The following ADRA1B variants were observed in gnomAD, a reference collection of about 807,000 sequenced individuals.
The protein encoded by ADRA1B is adrenoceptor alpha 1B.
In ADRA1B, 17 loss-of-function variants were observed where a neutral mutation model predicts 17.9. That is an observed-to-expected ratio of 0.95 (90% CI 0.65 to 1.42). The LOEUF (loss-of-function observed/expected upper bound fraction) is 1.42. ADRA1B is among the 40% of genes most tolerant of loss of function. The probability of loss-of-function intolerance (pLI) is 0.00; values close to 1 mark genes in which losing one functional copy is unlikely to be tolerated. For synonymous variants in ADRA1B, 366 were observed against 327.6 expected (o/e 1.12, Z -1.27); for missense variants, 681 against 722.1 (o/e 0.94, Z 0.65).
rs200205839 is a variant in ADRA1B, at chr5:159,917,404, C to T, written c.499C>T (p.Leu167Phe). ...CCGGAGGAAGGCCATCTTGGCGCTGCTCAGTGTCTGGGTCTTGTCCACCGT... is the reference window on the plus strand; with the variant it reads ...CCGGAGGAAGGCCATCTTGGCGCTGTTCAGTGTCTGGGTCTTGTCCACCGT... The part of the protein sequence containing the change: ...VTRRKAILAL[L>F]SVWVLSTVIS... The change falls in exon 1 of 2, where the codon CTC (leucine) becomes TTC (phenylalanine). Residue 167 changes from leucine (L) to phenylalanine (F), a missense_variant. Leu to Phe is a conservative substitution (Grantham distance 22, BLOSUM62 0). Transcript: ENST00000306675. 18 of 1,614,172 alleles carry T rather than the reference C, an allele frequency of 1.1e-5. No individual in the cohort carries two copies. In the East Asian group the frequency reaches 4.0e-4, roughly 36 times the overall value.
At chr5:159,881,023 A>T (rs936001018) in intron 1 of ADRA1B, among the ~76,000 whole-genome samples, 1 of 152,078 alleles carries the variant, frequency 6.6e-6, no homozygotes, top group African/African-American at 2.4e-5. Flanking sequence ...GGAACAGTCT[A>T]TTCTGGCTAC....
chr5:159,904,985 T>C (rs1427774766), intron 1 of ADRA1B, among the ~76,000 whole-genome samples: 1 of 152,174 alleles, frequency 6.6e-6, no homozygotes, highest in Non-Finnish European at 1.5e-5. Flanking sequence ...ATGATCTTAG[T>C]TAAAACTGAA....
rs546900919 is a variant in ADRA1B at position 159,970,808 on chromosome 5, G to A, written c.950-1071G>A. ...ATGTCCCTTTGTGGTTTTCGTTTTC[G>A]TTGTTGTTTTTGGAGAGACAGGGAC... On this transcript the variant is annotated intron_variant, in intron 1 of 1. Coordinates refer to ENST00000306675, the MANE Select transcript of ADRA1B (RefSeq NM_000679.4). Among the ~76,000 whole-genome samples, 6 of 152,222 alleles carry A rather than the reference G, an allele frequency of 3.9e-5. No homozygotes were observed. In the South Asian group the frequency reaches 1.0e-3, roughly 26 times the overall value.
Position 159,955,438 on chromosome 5 carries a change from C to T in ADRA1B, c.950-16441C>T, listed in dbSNP as rs143604909. Among the ~76,000 whole-genome samples the T allele has an allele frequency of 3.9e-5, 6 of 152,280 alleles. No individual in the cohort carries two copies. In the East Asian group the frequency reaches 7.7e-4, roughly 20 times the overall value. ...AGAAAGAAGAGGGCAGGGAAATCAG[C>T]GAACAGCTGCTGAGAGGAGAGATGA... On this transcript the variant is annotated intron_variant, in intron 1 of 1. Transcript: ENST00000306675.
chr5:159,988,501 A>G, the ADRA1B span, among the ~76,000 whole-genome samples: 1 of 152,234 alleles, frequency 6.6e-6, no homozygotes, highest in Non-Finnish European at 1.5e-5. Context: ...ACAGTCCTTT[A>G]CAATGCTGAG....
At chr5:159,976,766 A>G (rs1242907496), downstream of ADRA1B, among the ~76,000 whole-genome samples, 2 of 152,226 alleles carry the variant, frequency 1.3e-5, no homozygotes, top group African/African-American at 4.8e-5. Flanking sequence ...ATTCCAGGTG[A>G]CAAAACCAAA....
intron 1 of ADRA1B, among the ~76,000 whole-genome samples, chr5:159,898,884 G>C (rs186597795): frequency 6.6e-6 from 1 of 152,296 alleles, no homozygotes; most frequent in East Asian, 1.9e-4. Flanking sequence ...AATGGTTCAT[G>C]CCTGTAATCC....
the ADRA1B span, among the ~76,000 whole-genome samples, chr5:159,980,012 C>T: frequency 1.3e-5 from 2 of 151,872 alleles, no homozygotes; most frequent in Non-Finnish European, 1.5e-5. Context: ...CCAATGTAAG[C>T]GGACCATCGT....
intron 1 of ADRA1B, among the ~76,000 whole-genome samples, chr5:159,883,919 T>C (rs1448775673): frequency 6.6e-6 from 1 of 152,196 alleles, no homozygotes; most frequent in East Asian, 1.9e-4. Flanking sequence ...TTATCTACAC[T>C]ATGAGGCAAT....
At chr5:159,947,699 G>C (rs894139282) in intron 1 of ADRA1B, 10 of 985,344 alleles carry the variant, frequency 1.0e-5, no homozygotes, top group Middle Eastern at 5.2e-4. Context: ...GAAAGCAAAG[G>C]CTCTTTAAGC....
rs779436118 is a variant in ADRA1B, at chr5:159,963,288, G to GTATATATATATATATGTATATATATATA, written c.950-8576_950-8575insGTATATATATATATATATATATATATAT. 5.3e-3 allele frequency among the ~76,000 whole-genome samples: 697 copies of GTATATATATATATATGTATATATATATA among 132,650 alleles called. 10 individuals are homozygous for GTATATATATATATATGTATATATATATA. The highest frequency in any genetic ancestry group is 0.035 in the East Asian group (159 of 4,480). 87.0% of individuals were successfully genotyped at this position (132,650 alleles called of 152,430 possible). A position where few individuals can be genotyped will look rare whatever the true frequency, so the allele number is the denominator to read the frequency against. On this transcript the variant is annotated intron_variant, in intron 1 of 1. Transcript: ENST00000306675. The stretch of plus-strand genomic sequence containing the variant: ...ACTTGACAGTGAATAAACAAAAAAA[G>GTATATATATATATATGTATATATATATA]TATATATATATATATATATATCCAC...
intron 1 of ADRA1B, among the ~76,000 whole-genome samples, chr5:159,902,514 T>C (rs962775354): frequency 1.3e-5 from 2 of 152,034 alleles, no homozygotes; most frequent in Admixed American, 1.3e-4. Flanking sequence ...AAAGGAATGT[T>C]TGAAATGAGG....
intron 1 of ADRA1B, among the ~76,000 whole-genome samples, chr5:159,871,535 C>T (rs1010420782): frequency 6.6e-6 from 1 of 152,114 alleles, no homozygotes; most frequent in Non-Finnish European, 1.5e-5. Flanking sequence ...GCTTGCAGCT[C>T]CTCCCCTGTG....
At chr5:159,906,866 C>T (rs1465960866) in intron 1 of ADRA1B, among the ~76,000 whole-genome samples, 1 of 152,076 alleles carries the variant, frequency 6.6e-6, no homozygotes, top group Non-Finnish European at 1.5e-5. Flanking sequence ...TTTTCTTTTC[C>T]ACTTAGTCCC....
At chr5:159,899,681 A>G (rs56084650) in intron 1 of ADRA1B, among the ~76,000 whole-genome samples, 29,374 of 151,958 alleles carry the variant, frequency 0.19, 2,999 homozygotes, top group African/African-American at 0.23. Context: ...CGGCAGCCCT[A>G]CTCCTGTGAT....
chr5:159,942,165 G>A (rs949559609), intron 1 of ADRA1B, among the ~76,000 whole-genome samples: 22 of 152,096 alleles, frequency 1.4e-4, no homozygotes, highest in East Asian at 5.8e-4. Flanking sequence ...CTCGTGATCC[G>A]CCCGCCTCGG....
At chr5:159,926,723 C>T (rs1754664338) in intron 1 of ADRA1B, among the ~76,000 whole-genome samples, 1 of 151,956 alleles carries the variant, frequency 6.6e-6, no homozygotes, top group African/African-American at 2.4e-5. Context: ...CCTGTCACTA[C>T]TAAAAACACA....
intron 1 of ADRA1B, among the ~76,000 whole-genome samples, chr5:159,890,870 C>T (rs1012635253): frequency 6.6e-6 from 1 of 152,240 alleles, no homozygotes; most frequent in East Asian, 1.9e-4. Flanking sequence ...TATTGTAAAA[C>T]AAACCTGTGA....
In ADRA1B at chr5:159,917,087, T is replaced by G; in HGVS notation, c.182T>G (p.Val61Gly). 1 of 1,614,166 alleles carries G rather than the reference T, an allele frequency of 6.2e-7. No individual in the cohort carries two copies. The highest frequency in any genetic ancestry group is 1.1e-5 in the South Asian group (1 of 91,078). ...GGCGCCTTCATCCTCTTTGCCATCG[T>G]GGGCAACATCCTAGTCATCTTGTCT... Reference protein sequence around the residue: ...VLGAFILFAIVGNILVILSVA... With the variant: ...VLGAFILFAIGGNILVILSVA... The change falls in exon 1 of 2, where the codon GTG becomes GGG. Residue 61 changes from valine (V) to glycine (G), a missense_variant. Transcript: ENST00000306675.
Sources: allele counts gnomAD v4.1 joint callset (sites outside exome capture counted in the v4.1 genomes callset), GRCh38; gene constraint gnomAD v4.1.1; transcripts MANE v1.5; gene names NCBI Gene and HGNC (gene_info 2026-07-23, HGNC 2026-07-21).